Variants in OPA3 observed in about 807,000 individuals in gnomAD.
OPA3 encodes the protein optic atrophy 3 protein.
In OPA3, 6 loss-of-function variants were observed where a neutral mutation model predicts 4.0. That is an observed-to-expected ratio of 1.51 (90% CI 0.83 to 2.99). The LOEUF (loss-of-function observed/expected upper bound fraction) is 2.99. Among genes scored for constraint, OPA3 ranks in the 30% most tolerant of loss-of-function variants. The probability of loss-of-function intolerance (pLI) is 0.00; values close to 1 mark genes in which losing one functional copy is unlikely to be tolerated. For missense variants in OPA3, 235 were observed against 256.2 expected (o/e 0.92, Z 0.56); for synonymous variants, 105 against 117.1 (o/e 0.90, Z 0.67).
At chr19:45,566,444 C>CTA (rs1969583824) in intron 1 of OPA3, among the ~76,000 whole-genome samples, 1 of 147,118 alleles carries the variant, frequency 6.8e-6, no homozygotes, top group South Asian at 2.1e-4. Context: ...AGCCACCACT[C>CTA]CCTTAGATGA....
chr19:45,580,305 T>TG (rs1370388677), intron 1 of OPA3, among the ~76,000 whole-genome samples: 3 of 150,252 alleles, frequency 2.0e-5, no homozygotes, highest in Non-Finnish European at 3.0e-5. Flanking sequence ...TTTTTTTTTT[T>TG]TTTTTGAGAC....
At chr19:45,573,905 G>A (rs1041525688) in intron 1 of OPA3, among the ~76,000 whole-genome samples, 2 of 152,354 alleles carry the variant, frequency 1.3e-5, no homozygotes, top group Middle Eastern at 3.4e-3. Context: ...GCTCACGCCT[G>A]TAATCCCAAC....
chr19:45,529,583 G>A (rs12971437), intron 1 of OPA3: 1 of 1,200,688 alleles, frequency 8.3e-7, no homozygotes. Context: ...GCGTGCTGGC[G>A]GGGACGCCTT....
intron 1 of OPA3, chr19:45,529,516 C>G: frequency 6.3e-7 from 1 of 1,595,162 alleles, no homozygotes; most frequent in East Asian, 2.2e-5. Context: ...AAGCCCCGAC[C>G]CTCTGTGCTT....
chr19:45,568,434 C>T (rs959677813), intron 1 of OPA3, among the ~76,000 whole-genome samples: 4 of 152,098 alleles, frequency 2.6e-5, no homozygotes, highest in Non-Finnish European at 5.9e-5. Context: ...AGGTGATCCG[C>T]CCACCTCGGC....
At chr19:45,573,370 G>A (rs948837519) in intron 1 of OPA3, among the ~76,000 whole-genome samples, 1 of 152,124 alleles carries the variant, frequency 6.6e-6, no homozygotes. Flanking sequence ...AGAATCACTT[G>A]AACCCAGGAG....
downstream of OPA3, among the ~76,000 whole-genome samples, chr19:45,544,570 G>A (rs1969223357): frequency 6.6e-6 from 1 of 150,458 alleles, no homozygotes; most frequent in South Asian, 2.1e-4. Flanking sequence ...CGAGGCAGGT[G>A]GATCACCTGA....
intron 1 of OPA3, among the ~76,000 whole-genome samples, chr19:45,578,332 G>T (rs1027890948): frequency 6.6e-6 from 1 of 152,164 alleles, no homozygotes; most frequent in African/African-American, 2.4e-5. Flanking sequence ...ATATTCTGCA[G>T]ACTCTGCACT....
At position 45,549,145 on chromosome 19, in the gene OPA3, G is replaced by A. The variant is rs1969295283; in HGVS notation, c.*4369C>T. On this transcript the variant is annotated 3_prime_UTR_variant, in exon 2 of 2. Transcript: ENST00000263275. ...ATATGAAAAAAGAATGCATCAACTT[G>A]AAGATAATCAGCTTCATTTACAAAT... 1 of 985,160 alleles carries A rather than the reference G, an allele frequency of 1.0e-6. No homozygotes were observed. The highest frequency in any genetic ancestry group is 1.7e-5 in the African/African-American group (1 of 57,196). 61.0% of individuals were successfully genotyped at this position (985,160 alleles called of 1,614,324 possible).
intron 1 of OPA3, among the ~76,000 whole-genome samples, chr19:45,554,994 G>A (rs1969399284): frequency 6.6e-6 from 1 of 152,096 alleles, no homozygotes; most frequent in South Asian, 2.1e-4. Flanking sequence ...GTTTCACCAC[G>A]TTGGCCAGGC....
At chr19:45,543,351 C>T (rs964566243), downstream of OPA3, among the ~76,000 whole-genome samples, 4 of 150,152 alleles carry the variant, frequency 2.7e-5, no homozygotes, top group Non-Finnish European at 4.4e-5. Context: ...GACAGAGTCT[C>T]GCTCTGTTGC....
chr19:45,529,358 C>T lies in OPA3; in HGVS notation c.241G>A (p.Ala81Thr), dbSNP rs200304633. 3.5e-5 allele frequency: 56 copies of T among 1,614,200 alleles called. No individual in the cohort carries two copies. In the East Asian group the frequency reaches 1.2e-3, roughly 33 times the overall value. The change falls in exon 2 of 2, where the codon GCG becomes ACG. Residue 81 changes from alanine (A) to threonine (T), a missense_variant. Coordinates refer to the OPA3 transcript ENST00000323060. The stretch of plus-strand genomic sequence containing the variant: ...ATGATGCCCTCGCCCAGCAGCTCCG[C>T]GCCCAGCTCGGCGGCTGCACCCTCG...
chr19:45,539,049 C>A (rs889348998), intron 1 of OPA3, among the ~76,000 whole-genome samples: 1 of 152,098 alleles, frequency 6.6e-6, no homozygotes, highest in African/African-American at 2.4e-5. Flanking sequence ...AGTGAAAGGG[C>A]AGGAAAAACT....
At chr19:45,559,585 T>A (rs1354723181) in intron 1 of OPA3, among the ~76,000 whole-genome samples, 1 of 151,542 alleles carries the variant, frequency 6.6e-6, no homozygotes. Flanking sequence ...TATATTTTGG[T>A]AGAGACAGGG....
At chr19:45,566,120 T>C (rs942182115) in intron 1 of OPA3, among the ~76,000 whole-genome samples, 2 of 152,150 alleles carry the variant, frequency 1.3e-5, no homozygotes, top group Non-Finnish European at 2.9e-5. Flanking sequence ...TCTGCAGGAA[T>C]ATAAGATTGG....
intron 1 of OPA3, among the ~76,000 whole-genome samples, chr19:45,567,719 T>C (rs1432616085): frequency 6.6e-6 from 1 of 152,058 alleles, no homozygotes; most frequent in Non-Finnish European, 1.5e-5. Flanking sequence ...GAGGAGGAGT[T>C]TGGGAGCCAG....
Position 45,547,092 on chromosome 19 carries a change from G to A in OPA3, c.*6422C>T, listed in dbSNP as rs1251536339. ...TCCTATGGGGAAGGAGGGAGGGAGGGAGGACTCCACAGAGGGGGAAGCTGA... is the reference window on the plus strand; with the variant it reads ...TCCTATGGGGAAGGAGGGAGGGAGGAAGGACTCCACAGAGGGGGAAGCTGA... On this transcript the variant is annotated 3_prime_UTR_variant, in exon 2 of 2. Coordinates refer to ENST00000263275, the MANE Select transcript of OPA3 (RefSeq NM_025136.4). The A allele has an allele frequency of 6.6e-6, 1 of 152,246 alleles. No homozygotes were observed. Among genetic ancestry groups the A allele is most frequent in the African/African-American group, 2.4e-5 (1 of 41,428 alleles). 9.4% of individuals were successfully genotyped at this position (152,246 alleles called of 1,614,324 possible).
chr19:45,564,838 G>A (rs528254692), intron 1 of OPA3, among the ~76,000 whole-genome samples: 2 of 152,134 alleles, frequency 1.3e-5, no homozygotes, highest in African/African-American at 2.4e-5. Context: ...ATCCTAATGT[G>A]ACTTTTTTAT....
chr19:45,549,797 C>T lies in OPA3; in HGVS notation c.*3717G>A. The stretch of plus-strand genomic sequence containing the variant: ...GGGTCACTCCCAGTTTTAAACACAG[C>T]CCACTCAGGACCCACTCGGTCAGTT... On this transcript the variant is annotated 3_prime_UTR_variant, in exon 2 of 2. Transcript: ENST00000263275. 1 of 985,442 alleles carries T rather than the reference C, an allele frequency of 1.0e-6. No individual in the cohort carries two copies. The highest frequency in any genetic ancestry group is 1.2e-6 in the Non-Finnish European group (1 of 830,056). The allele number at this position is 985,442 out of a possible 1,614,324, so 61.0% of individuals were successfully genotyped here. A position where few individuals can be genotyped will look rare whatever the true frequency, so the allele number is the denominator to read the frequency against.
Sources: allele counts gnomAD v4.1 joint callset (sites outside exome capture counted in the v4.1 genomes callset), GRCh38; gene constraint gnomAD v4.1.1; transcripts MANE v1.5; gene names NCBI Gene and HGNC (gene_info 2026-07-23, HGNC 2026-07-21).